The following INPP5A variants were observed in gnomAD, a reference collection of about 807,000 sequenced individuals.
The protein encoded by INPP5A is inositol polyphosphate-5-phosphatase A.
INPP5A carries 14 observed loss-of-function variants against 65.2 expected under a neutral mutation model. The ratio of observed to expected loss-of-function variants is 0.21; its 90% CI spans 0.14 to 0.34. INPP5A has a LOEUF of 0.34. Ranked by LOEUF, INPP5A falls within the 10% of genes least tolerant of loss-of-function variation. The pLI, the probability that INPP5A is intolerant of heterozygous loss-of-function variation, is 1.00. For synonymous variants in INPP5A, 207 were observed against 208.3 expected (o/e 0.99, Z 0.05); for missense variants, 431 against 545.6 (o/e 0.79, Z 2.09).
chr10:132,672,371 A>G (rs1052816534), intron 4 of INPP5A, among the ~76,000 whole-genome samples: 4 of 152,170 alleles, frequency 2.6e-5, no homozygotes, highest in Non-Finnish European at 4.4e-5. Flanking sequence ...CCCAAATCTC[A>G]TCTTGAATTC....
chr10:132,770,704 C>T (rs918785472), intron 12 of INPP5A, among the ~76,000 whole-genome samples: 1 of 150,222 alleles, frequency 6.7e-6, no homozygotes, highest in Admixed American at 6.6e-5. Flanking sequence ...AAAAATAACA[C>T]AATTACATGT....
At chr10:132,723,413 G>C (rs561917681) in intron 8 of INPP5A, among the ~76,000 whole-genome samples, 1 of 152,312 alleles carries the variant, frequency 6.6e-6, no homozygotes, top group South Asian at 2.1e-4. Flanking sequence ...CTGTTCCTGC[G>C]ACACCGCACA....
intron 6 of INPP5A, among the ~76,000 whole-genome samples, chr10:132,703,949 G>A (rs1269036567): frequency 1.0e-4 from 9 of 85,802 alleles, no homozygotes; most frequent in South Asian, 8.3e-4. Flanking sequence ...ACACACACGC[G>A]GCTTCACACA....
chr10:132,607,531 G>T (rs1206148479), intron 1 of INPP5A, among the ~76,000 whole-genome samples: 1 of 152,250 alleles, frequency 6.6e-6, no homozygotes, highest in African/African-American at 2.4e-5. Context: ...AGGGGCGGGT[G>T]TGGAAAGGTG....
chr10:132,746,649 G>A (rs940196225), intron 9 of INPP5A, among the ~76,000 whole-genome samples: 1 of 152,148 alleles, frequency 6.6e-6, no homozygotes. Flanking sequence ...CAGCGTTCCC[G>A]TTAAATTCTA....
At chr10:132,612,084 G>C (rs1486362903) in intron 2 of INPP5A, among the ~76,000 whole-genome samples, 2 of 114,266 alleles carry the variant, frequency 1.8e-5, no homozygotes, top group Non-Finnish European at 1.8e-5. Flanking sequence ...CTGTCAGAGA[G>C]GGGAGAGGGA....
In INPP5A at chr10:132,544,309, G is replaced by A. The variant is rs544917211; in HGVS notation, c.75+6138G>A. Among the ~76,000 whole-genome samples, 10 of 152,372 alleles carry A rather than the reference G, an allele frequency of 6.6e-5. 1 individual carries two copies. Among genetic ancestry groups the A allele is most frequent in the African/African-American group, 1.7e-4 (7 of 41,598 alleles). On this transcript the variant is annotated intron_variant, in intron 1 of 15. Transcript: ENST00000368594. Reference sequence around the variant, plus strand: ...AGTGCCAGCTCTCAAGGAGGTTGGGGCGTCCTCATTTCGGAGGCAGCTGTC... The same window carrying A: ...AGTGCCAGCTCTCAAGGAGGTTGGGACGTCCTCATTTCGGAGGCAGCTGTC...
At chr10:132,647,139 G>A (rs1478958102) in intron 3 of INPP5A, among the ~76,000 whole-genome samples, 1 of 148,574 alleles carries the variant, frequency 6.7e-6, no homozygotes, top group African/African-American at 2.5e-5. Flanking sequence ...GTTTTGAGAC[G>A]GAGTCTCGCT....
At chr10:132,769,619 G>A (rs1479465328) in intron 12 of INPP5A, among the ~76,000 whole-genome samples, 2 of 151,952 alleles carry the variant, frequency 1.3e-5, no homozygotes, top group African/African-American at 2.4e-5. Context: ...CTGGTCTCTG[G>A]AAACCAGGCG....
At chr10:132,640,879 T>C (rs1387573364) in intron 2 of INPP5A, among the ~76,000 whole-genome samples, 1 of 152,218 alleles carries the variant, frequency 6.6e-6, no homozygotes, top group African/African-American at 2.4e-5. Context: ...GGAGGTGTCC[T>C]GTGGCTGTGC....
intron 9 of INPP5A, among the ~76,000 whole-genome samples, chr10:132,737,470 AG>A (rs1846198809): frequency 6.6e-6 from 1 of 152,234 alleles, no homozygotes; most frequent in African/African-American, 2.4e-5. Flanking sequence ...GACTAATGTT[AG>A]TCATCGTCAA....
At chr10:132,586,119 G>A (rs547984551) in intron 1 of INPP5A, among the ~76,000 whole-genome samples, 5 of 152,222 alleles carry the variant, frequency 3.3e-5, no homozygotes, top group South Asian at 2.1e-4. Context: ...CTGGAGACCC[G>A]GGCAGAGACT....
At chr10:132,604,265 TG>T (rs2071813826) in intron 1 of INPP5A, among the ~76,000 whole-genome samples, 1 of 140,294 alleles carries the variant, frequency 7.1e-6, no homozygotes, top group Admixed American at 7.0e-5. Flanking sequence ...TCCTGCCCTG[TG>T]CCGTCAGGGT....
At position 132,727,884 on chromosome 10, in the gene INPP5A, G is replaced by A. The variant is rs1481287293; in HGVS notation, c.732+979G>A. ...GAGTTGGATGGGAACACGGTGAGTC[G>A]AACGGGGACATGGCGGTCCCCGAGA... is the stretch of plus-strand genomic sequence containing the variant. On this transcript the variant is annotated intron_variant, in intron 9 of 15. Transcript: ENST00000368594. The surrounding 1 kb of genome is among the most constrained non-coding windows in gnomAD (Gnocchi z 6.5). Among the ~76,000 whole-genome samples the A allele has an allele frequency of 1.3e-5, 2 of 152,152 alleles. No homozygotes were observed. Among genetic ancestry groups the A allele is most frequent in the South Asian group, 2.1e-4 (1 of 4,826 alleles).
chr10:132,600,384 G>A (rs894446855), intron 1 of INPP5A, among the ~76,000 whole-genome samples: 3 of 152,174 alleles, frequency 2.0e-5, no homozygotes, highest in African/African-American at 7.2e-5. Flanking sequence ...GGTCACCTTC[G>A]CTCCAGTTCC....
rs183076692 is a variant in INPP5A, at chr10:132,773,614, C to T, written c.978-4057C>T. Among the ~76,000 whole-genome samples the T allele has an allele frequency of 2.1e-4, 32 of 152,332 alleles. No homozygotes were observed. In the East Asian group the frequency reaches 5.2e-3, roughly 25 times the overall value. ...GTGCTCAGGAGGGAGCGAGGCCGCC[C>T]GTCCGCCTGGTGGTCAGGAACCCTG... On this transcript the variant is annotated intron_variant, in intron 12 of 15. Transcript: ENST00000368594.
intron 11 of INPP5A, among the ~76,000 whole-genome samples, chr10:132,754,354 C>G (rs902710913): frequency 6.6e-6 from 1 of 152,218 alleles, no homozygotes; most frequent in Non-Finnish European, 1.5e-5. Context: ...AGGCCCAGGC[C>G]AGGACACCTC....
chr10:132,590,281 G>A (rs888924015), intron 1 of INPP5A, among the ~76,000 whole-genome samples: 7 of 152,072 alleles, frequency 4.6e-5, no homozygotes, highest in Non-Finnish European at 5.9e-5. Context: ...TGGTGACGCC[G>A]TCCTGTGTGG....
In INPP5A at chr10:132,555,032, G is replaced by T. The variant is rs1465742082; in HGVS notation, c.75+16861G>T. ...TGGGTAGTATGGGTGGCATGGTATT[G>T]TGTGTGGCATGATTGGTATGGGTGG... is the stretch of plus-strand genomic sequence containing the variant. On this transcript the variant is annotated intron_variant, in intron 1 of 15. Coordinates refer to ENST00000368594, the MANE Select transcript of INPP5A (RefSeq NM_005539.5). The surrounding 1 kb of genome is among the most constrained non-coding windows in gnomAD (Gnocchi z 4.4). Among the ~76,000 whole-genome samples, 2 of 151,628 alleles carry T rather than the reference G, an allele frequency of 1.3e-5. No homozygotes were observed. Among genetic ancestry groups the T allele is most frequent in the African/African-American group, 4.9e-5 (2 of 41,220 alleles).
Sources: gnomAD v4.1 joint callset for allele counts (sites outside exome capture counted in the v4.1 genomes callset) on GRCh38, gnomAD v4.1.1 for gene constraint, Gnocchi (gnomAD v3.1) non-coding constraint, MANE v1.5 for transcripts, NCBI Gene and HGNC (gene_info 2026-07-23, HGNC 2026-07-21) for gene names.